FBXL2: variants seen among roughly 807,000 people sequenced by gnomAD.
The protein encoded by FBXL2 is F-box and leucine rich repeat protein 2.
FBXL2 carries 38 observed loss-of-function variants against 69.2 expected under a neutral mutation model. That is an observed-to-expected ratio of 0.55 (90% CI 0.42 to 0.72). The LOEUF (loss-of-function observed/expected upper bound fraction) is 0.72, where lower values mean the gene tolerates loss of function less well. FBXL2 is among the 30% of genes least tolerant of loss of function. The pLI, the probability that FBXL2 is intolerant of heterozygous loss-of-function variation, is 0.00. For missense variants in FBXL2, 354 were observed against 520.3 expected (o/e 0.68, Z 3.11); for synonymous variants, 192 against 201.3 (o/e 0.95, Z 0.39).
At chr3:33,411,090 A>AG in the FBXL2 span, among the ~76,000 whole-genome samples, 158 of 151,636 alleles carry the variant, frequency 1.0e-3, no homozygotes, top group African/African-American at 3.7e-3. Flanking sequence ...AAAAAAAAAA[A>AG]GTGCTCCAAG....
chr3:33,413,878 G>A, the FBXL2 span, among the ~76,000 whole-genome samples: 1 of 152,204 alleles, frequency 6.6e-6, no homozygotes, highest in Non-Finnish European at 1.5e-5. Context: ...GCATAGGCTA[G>A]TGGTGGCCCC....
intron 2 of FBXL2, among the ~76,000 whole-genome samples, chr3:33,356,261 C>G (rs2041190760): frequency 6.6e-6 from 1 of 152,148 alleles, no homozygotes; most frequent in South Asian, 2.1e-4. Context: ...CAAAATTAAT[C>G]TAGAGAGTTT....
intron 1 of FBXL2, 139 bp downstream of exon 1, chr3:33,277,654 G>A (rs907688353): frequency 8.6e-6 from 8 of 933,240 alleles, no homozygotes; most frequent in Non-Finnish European, 1.1e-5. Context: ...AGGCTGCTGG[G>A]CAGGGCAGGG....
chr3:33,321,096 G>A (rs1352489481), intron 2 of FBXL2, among the ~76,000 whole-genome samples: 1 of 151,914 alleles, frequency 6.6e-6, no homozygotes, highest in Admixed American at 6.6e-5. Flanking sequence ...GATTGCTTGA[G>A]GTCAGGAGTT....
intron 5 of FBXL2, among the ~76,000 whole-genome samples, chr3:33,366,769 C>G (rs938888739): frequency 6.6e-6 from 1 of 151,986 alleles, no homozygotes; most frequent in African/African-American, 2.4e-5. Context: ...TTGAAACCAT[C>G]CTGGCTAACA....
the FBXL2 span, among the ~76,000 whole-genome samples, chr3:33,412,464 T>C: frequency 6.6e-6 from 1 of 151,628 alleles, no homozygotes; most frequent in Non-Finnish European, 1.5e-5. Flanking sequence ...GCACCTGCAA[T>C]CCTAGCTACT....
downstream of FBXL2, chr3:33,392,731 A>G (rs112367660): frequency 5.7e-4 from 527 of 924,834 alleles, 2 homozygotes; most frequent in East Asian, 3.1e-3. Context: ...GGCCAAAACG[A>G]TAATTCATGA....
chr3:33,356,419 G>A (rs568652847), intron 2 of FBXL2, among the ~76,000 whole-genome samples: 71 of 152,082 alleles, frequency 4.7e-4, no homozygotes, highest in South Asian at 4.6e-3. Context: ...GGCGGATCTC[G>A]GCTCACTGCA....
At chr3:33,330,816 G>C (rs2039087973) in intron 2 of FBXL2, among the ~76,000 whole-genome samples, 1 of 152,116 alleles carries the variant, frequency 6.6e-6, no homozygotes, top group South Asian at 2.1e-4. Flanking sequence ...TTGAACCTGG[G>C]AGGCGGAGGT....
chr3:33,346,788 A>G (rs866544536), intron 2 of FBXL2, among the ~76,000 whole-genome samples: 1 of 151,334 alleles, frequency 6.6e-6, no homozygotes, highest in Non-Finnish European at 1.5e-5. Flanking sequence ...CATTAGAAGG[A>G]TAATAAAGGA....
chr3:33,413,407 CATG>C, the FBXL2 span, among the ~76,000 whole-genome samples: 3 of 151,706 alleles, frequency 2.0e-5, no homozygotes, highest in South Asian at 6.2e-4. Flanking sequence ...ATTAGCCAGG[CATG>C]GTGGTGGGCG....
chr3:33,278,895 G>T (rs564435562), intron 1 of FBXL2, among the ~76,000 whole-genome samples: 1 of 152,288 alleles, frequency 6.6e-6, no homozygotes, highest in East Asian at 1.9e-4. Flanking sequence ...CCTAACAATT[G>T]TAGCAAGGAG....
chr3:33,310,141 GTTTTA>G (rs1170994786), intron 2 of FBXL2, among the ~76,000 whole-genome samples: 3 of 151,930 alleles, frequency 2.0e-5, no homozygotes, highest in East Asian at 3.9e-4. Context: ...ATTTTTAATA[GTTTTA>G]TTTTATTTTA....
At chr3:33,287,513 G>C (rs757819618) in intron 1 of FBXL2, among the ~76,000 whole-genome samples, 3 of 151,908 alleles carry the variant, frequency 2.0e-5, no homozygotes, top group African/African-American at 4.8e-5. Context: ...ACAGGGCCTC[G>C]TTCTGCCACC....
chr3:33,368,865 C>T (rs989488153), intron 5 of FBXL2, among the ~76,000 whole-genome samples: 1 of 152,082 alleles, frequency 6.6e-6, no homozygotes, highest in Non-Finnish European at 1.5e-5. Context: ...GGATTACAGG[C>T]GTGAGCCACC....
chr3:33,350,531 C>T (rs550314515), intron 2 of FBXL2, among the ~76,000 whole-genome samples: 3 of 151,852 alleles, frequency 2.0e-5, no homozygotes, highest in Non-Finnish European at 4.4e-5. Context: ...CTCCCAGGTT[C>T]AGGTGATTCT....
chr3:33,322,845 A>C (rs1264661442), intron 2 of FBXL2, among the ~76,000 whole-genome samples: 2 of 152,126 alleles, frequency 1.3e-5, no homozygotes, highest in African/African-American at 2.4e-5. Context: ...ATTTGTTAAA[A>C]ATTTGAAAGG....
intron 1 of FBXL2, 34 bp downstream of exon 1, chr3:33,277,549 CG>C: frequency 7.9e-7 from 1 of 1,271,404 alleles, no homozygotes; most frequent in Non-Finnish European, 1.0e-6. Context: ...CTAGCTGCCC[CG>C]CCCTACCCCT....
the FBXL2 span, among the ~76,000 whole-genome samples, chr3:33,419,878 T>G: frequency 6.6e-6 from 1 of 152,230 alleles, no homozygotes; most frequent in East Asian, 1.9e-4. Flanking sequence ...AAAGTTAATA[T>G]AGTCCAACAG....
Sources: gnomAD v4.1 joint callset for allele counts (sites outside exome capture counted in the v4.1 genomes callset) on GRCh38, gnomAD v4.1.1 for gene constraint, MANE v1.5 for transcripts, NCBI Gene and HGNC (gene_info 2026-07-23, HGNC 2026-07-21) for gene names.